CREB5: variants seen among roughly 807,000 people sequenced by gnomAD.
The protein encoded by CREB5 is cAMP responsive element binding protein 5.
A neutral mutation model predicts 57.1 loss-of-function variants in CREB5; 19 were observed. The ratio of observed to expected loss-of-function variants is 0.33; its 90% CI spans 0.23 to 0.49. The LOEUF (loss-of-function observed/expected upper bound fraction) is 0.49. CREB5 is among the 20% of genes least tolerant of loss of function. The probability of loss-of-function intolerance (pLI) is 0.99; values close to 1 mark genes in which losing one functional copy is unlikely to be tolerated. For missense variants in CREB5, 579 were observed against 671.6 expected (o/e 0.86, Z 1.52); for synonymous variants, 238 against 238.3 (o/e 1.00, Z 0.01).
At chr7:28,674,847 T>C (rs1800241204) in intron 5 of CREB5, among the ~76,000 whole-genome samples, 1 of 152,260 alleles carries the variant, frequency 6.6e-6, no homozygotes, top group Non-Finnish European at 1.5e-5. Context: ...AGTCCCTTCT[T>C]TAGACTTTCC....
At chr7:28,617,177 C>T (rs1004485597) in intron 5 of CREB5, among the ~76,000 whole-genome samples, 1 of 152,242 alleles carries the variant, frequency 6.6e-6, no homozygotes, top group Non-Finnish European at 1.5e-5. Flanking sequence ...GAGTATTTAA[C>T]AACATCCCTG....
intron 1 of CREB5, among the ~76,000 whole-genome samples, chr7:28,473,667 A>G (rs555426887): frequency 6.6e-6 from 1 of 152,316 alleles, no homozygotes; most frequent in African/African-American, 2.4e-5. Context: ...TGCCTTAAGA[A>G]CGCTGACCCT....
rs777136559 is a variant in CREB5, at chr7:28,428,705, T to C, written c.3+15788T>C. ...TGTATGTGAAGAGATGCTGAATCAATGTGAGATGCTGAGAGAGGAATTCAG... is the reference window on the plus strand; with the variant it reads ...TGTATGTGAAGAGATGCTGAATCAACGTGAGATGCTGAGAGAGGAATTCAG... On this transcript the variant is annotated intron_variant, in intron 1 of 10. Coordinates refer to ENST00000357727, the MANE Select transcript of CREB5 (RefSeq NM_182898.4). Among the ~76,000 whole-genome samples, 9 of 152,114 alleles carry C rather than the reference T, an allele frequency of 5.9e-5. 1 individual carries two copies. Among genetic ancestry groups the C allele is most frequent in the Non-Finnish European group, 1.2e-4 (8 of 68,024 alleles).
chr7:28,356,273 G>T (rs1327703969), intron 1 of CREB5, among the ~76,000 whole-genome samples: 1 of 152,204 alleles, frequency 6.6e-6, no homozygotes, highest in Non-Finnish European at 1.5e-5. Context: ...GTAGCATGCT[G>T]GAAAGAAGGA....
chr7:28,366,551 C>T (rs1027294597), intron 1 of CREB5, among the ~76,000 whole-genome samples: 3 of 152,154 alleles, frequency 2.0e-5, no homozygotes, highest in Non-Finnish European at 4.4e-5. Flanking sequence ...TAGATAGAAA[C>T]TTGATCATAG....
At chr7:28,637,945 C>T (rs554584521) in intron 5 of CREB5, among the ~76,000 whole-genome samples, 2 of 152,290 alleles carry the variant, frequency 1.3e-5, no homozygotes, top group African/African-American at 4.8e-5. Flanking sequence ...GTGCTTCAGA[C>T]TGTGTGGGCT....
intron 1 of CREB5, among the ~76,000 whole-genome samples, chr7:28,444,844 TG>T (rs1789362727): frequency 6.6e-6 from 1 of 151,808 alleles, no homozygotes; most frequent in Non-Finnish European, 1.5e-5. Flanking sequence ...CATAGCAGAG[TG>T]GGGATGTGAT....
At chr7:28,329,374 A>G (rs1488998621) in intron 1 of CREB5, among the ~76,000 whole-genome samples, 1 of 152,216 alleles carries the variant, frequency 6.6e-6, no homozygotes, top group Admixed American at 6.5e-5. Context: ...TCTAGAGTTC[A>G]TCCTCCTACT....
intron 1 of CREB5, among the ~76,000 whole-genome samples, chr7:28,393,020 G>C (rs1018443080): frequency 6.6e-6 from 1 of 152,026 alleles, no homozygotes; most frequent in Non-Finnish European, 1.5e-5. Context: ...TGCCTCTTAG[G>C]TTCAAGCGAT....
chr7:28,748,537 A>G (rs1348098295), intron 7 of CREB5, among the ~76,000 whole-genome samples: 1 of 152,232 alleles, frequency 6.6e-6, no homozygotes, highest in Non-Finnish European at 1.5e-5. Flanking sequence ...ATGAAAAAAG[A>G]AGAATCTCAG....
At position 28,784,152 on chromosome 7, in the gene CREB5, G is replaced by A. The variant is rs142674403; in HGVS notation, c.703-20047G>A. The stretch of plus-strand genomic sequence containing the variant: ...ATTGCAATTGATGGGCTTCCTTGTC[G>A]TGCTCCAAGCATTCAGGGTAAACAC... On this transcript the variant is annotated intron_variant, in intron 7 of 10. Transcript: ENST00000357727. Among the ~76,000 whole-genome samples, 22 of 152,250 alleles carry A rather than the reference G, an allele frequency of 1.4e-4. No homozygotes were observed. The East Asian group carries it at 3.5e-3, about 24-fold the overall frequency.
intron 1 of CREB5, among the ~76,000 whole-genome samples, chr7:28,307,091 C>T (rs531655316): frequency 1.3e-5 from 2 of 152,194 alleles, no homozygotes; most frequent in Non-Finnish European, 2.9e-5. Context: ...AATGTTCACT[C>T]TCAGCCGATA....
chr7:28,471,353 TG>T (rs1790797272), intron 1 of CREB5, among the ~76,000 whole-genome samples: 1 of 152,212 alleles, frequency 6.6e-6, no homozygotes, highest in Admixed American at 6.5e-5. Context: ...TGTATCTTCT[TG>T]GCCCCTTTAT....
At chr7:28,334,335 T>A (rs141814252) in intron 1 of CREB5, among the ~76,000 whole-genome samples, 3,318 of 152,204 alleles carry the variant, frequency 0.022, 53 homozygotes, top group Middle Eastern at 0.034. Flanking sequence ...TTTTGTATAT[T>A]TAGTAGAGAC....
chr7:28,339,856 G>A (rs1785899200), intron 1 of CREB5, among the ~76,000 whole-genome samples: 1 of 152,162 alleles, frequency 6.6e-6, no homozygotes, highest in Non-Finnish European at 1.5e-5. Context: ...ACAAGACAAA[G>A]TCCTTCCCAC....
intron 5 of CREB5, among the ~76,000 whole-genome samples, chr7:28,597,854 C>T (rs1045936591): frequency 6.6e-6 from 1 of 152,146 alleles, no homozygotes; most frequent in Non-Finnish European, 1.5e-5. Flanking sequence ...TGTCATCAGA[C>T]CTTTTCCTGC....
intron 3 of CREB5, among the ~76,000 whole-genome samples, chr7:28,503,878 T>C (rs182220230): frequency 1.6e-4 from 25 of 152,168 alleles, no homozygotes; most frequent in African/African-American, 6.0e-4. Context: ...AGACAACTGC[T>C]TCCCTCCCAC....
chr7:28,403,909 T>C (rs1050883365), intron 1 of CREB5, among the ~76,000 whole-genome samples: 2 of 152,230 alleles, frequency 1.3e-5, no homozygotes, highest in African/African-American at 2.4e-5. Context: ...AAAATTAAAA[T>C]GTTACATTAT....
intron 1 of CREB5, among the ~76,000 whole-genome samples, chr7:28,359,607 T>A (rs890248925): frequency 7.5e-6 from 1 of 133,178 alleles, no homozygotes; most frequent in African/African-American, 2.8e-5. Flanking sequence ...TACCTGAAAC[T>A]GTAAAACTAC....
Sources: gnomAD v4.1 joint callset for allele counts (sites outside exome capture counted in the v4.1 genomes callset) on GRCh38, gnomAD v4.1.1 for gene constraint, MANE v1.5 for transcripts, NCBI Gene and HGNC (gene_info 2026-07-23, HGNC 2026-07-21) for gene names.